ARHGEF10L: variants seen among roughly 807,000 people sequenced by gnomAD.
The protein encoded by ARHGEF10L is rho guanine nucleotide exchange factor 10-like protein.
A neutral mutation model predicts 141.2 loss-of-function variants in ARHGEF10L; 69 were observed. That is an observed-to-expected ratio of 0.49 (90% CI 0.40 to 0.60). The LOEUF is 0.60. ARHGEF10L is among the 20% of genes least tolerant of loss of function. The pLI, the probability that ARHGEF10L is intolerant of heterozygous loss-of-function variation, is 0.00. For synonymous variants in ARHGEF10L, 711 were observed against 718.5 expected, an observed-to-expected ratio of 0.99 and a Z score of 0.17; for missense variants, 1,482 against 1,734.3, an observed-to-expected ratio of 0.85 and a Z score of 2.58.
intron 25 of ARHGEF10L, among the ~76,000 whole-genome samples, chr1:17,658,723 G>A (rs758068645): frequency 3.9e-5 from 6 of 152,030 alleles, no homozygotes; most frequent in Non-Finnish European, 2.9e-5. Flanking sequence ...AGAGGGAATC[G>A]GTTAGTAAAC....
intron 15 of ARHGEF10L, among the ~76,000 whole-genome samples, chr1:17,628,810 G>A (rs888413983): frequency 6.6e-6 from 1 of 152,158 alleles, no homozygotes; most frequent in African/African-American, 2.4e-5. Flanking sequence ...CCCTTTCCAT[G>A]TGTGCTGCAC....
upstream of ARHGEF10L, among the ~76,000 whole-genome samples, chr1:17,539,095 C>T (rs2076626736): frequency 6.6e-6 from 1 of 152,188 alleles, no homozygotes. The surrounding 1 kb of genome is among the most constrained non-coding windows in gnomAD (Gnocchi z 6.0). Context: ...CAGTTTTCTC[C>T]TAGGGAAAAT....
the ARHGEF10L span, among the ~76,000 whole-genome samples, chr1:17,532,038 T>G: frequency 1.3e-5 from 2 of 152,022 alleles, no homozygotes; most frequent in Non-Finnish European, 2.9e-5. Flanking sequence ...CACTGAAGTC[T>G]TTCTCTAGGC....
chr1:17,571,328 G>T (rs976404825), intron 1 of ARHGEF10L, among the ~76,000 whole-genome samples: 1 of 152,114 alleles, frequency 6.6e-6, no homozygotes, highest in African/African-American at 2.4e-5. Context: ...AGTGGAGGCC[G>T]CAGGTGACCT....
chr1:17,629,207 T>G (rs79052975), intron 15 of ARHGEF10L, among the ~76,000 whole-genome samples: 26 of 148,576 alleles, frequency 1.7e-4, no homozygotes, highest in Non-Finnish European at 1.9e-4. Flanking sequence ...TTTTTTTTTT[T>G]GTAGAGATGG....
Position 17,640,186 on chromosome 1 carries a change from AC to A in ARHGEF10L, c.2172-13del. 6.2e-7 allele frequency: 1 copy of A among 1,604,806 alleles called. No individual in the cohort carries two copies. Among genetic ancestry groups the A allele is most frequent in the Non-Finnish European group, 8.5e-7 (1 of 1,174,786 alleles). Reference sequence around the variant, plus strand: ...TGTGGGTACTCACACATCCACTCTAACCCTTCTCACCACAGGTCCGGCCGCC... The same window carrying A: ...TGTGGGTACTCACACATCCACTCTAACCTTCTCACCACAGGTCCGGCCGCC... On this transcript the variant is annotated splice_polypyrimidine_tract_variant and intron_variant, in intron 20 of 28. Transcript: ENST00000361221.
At chr1:17,666,863 C>G (rs1159487574) in intron 26 of ARHGEF10L, among the ~76,000 whole-genome samples, 1 of 150,666 alleles carries the variant, frequency 6.6e-6, no homozygotes, top group Non-Finnish European at 1.5e-5. Context: ...TCACCCCAGC[C>G]CACCCCACCC....
At chr1:17,556,280 G>C (rs1356132082) in intron 1 of ARHGEF10L, among the ~76,000 whole-genome samples, 2 of 83,462 alleles carry the variant, frequency 2.4e-5, no homozygotes, top group Admixed American at 1.3e-4. Flanking sequence ...GGCGGGGGGG[G>C]GGCCTGGGAG....
chr1:17,668,815 C>A (rs1313061826), intron 26 of ARHGEF10L, among the ~76,000 whole-genome samples: 2 of 152,220 alleles, frequency 1.3e-5, no homozygotes, highest in Non-Finnish European at 2.9e-5. Context: ...TTTAATAAGC[C>A]ATGCTCCTGC....
intron 1 of ARHGEF10L, among the ~76,000 whole-genome samples, chr1:17,552,590 T>G (rs1315589653): frequency 8.4e-6 from 1 of 119,294 alleles, no homozygotes; most frequent in Non-Finnish European, 2.0e-5. Flanking sequence ...TTTTTTTTTT[T>G]TTTTTTTTTT....
the ARHGEF10L span, among the ~76,000 whole-genome samples, chr1:17,521,253 A>C: frequency 6.6e-6 from 1 of 152,104 alleles, no homozygotes. Flanking sequence ...CTAGAGTGCA[A>C]TGGCATGATC....
At chr1:17,565,704 G>C (rs2077725082) in intron 1 of ARHGEF10L, among the ~76,000 whole-genome samples, 1 of 152,286 alleles carries the variant, frequency 6.6e-6, no homozygotes, top group East Asian at 1.9e-4. Context: ...CGGGACACAG[G>C]GCAGGAGGGT....
chr1:17,557,357 A>C lies in ARHGEF10L; in HGVS notation c.-44+17407A>C, dbSNP rs553177407. On this transcript the variant is annotated intron_variant, in intron 1 of 28. Coordinates refer to ENST00000361221, the MANE Select transcript of ARHGEF10L (RefSeq NM_018125.4). ...GACTCCATCTCAAAAAAAAAAAAAC[A>C]AAAAAAACCAAAAAAAACAAAAAGA... Among the ~76,000 whole-genome samples, 8 of 135,154 alleles carry C rather than the reference A, an allele frequency of 5.9e-5. No individual in the cohort carries two copies. In the East Asian group the frequency reaches 1.5e-3, roughly 26 times the overall value. 88.7% of individuals were successfully genotyped at this position (135,154 alleles called of 152,430 possible).
chr1:17,588,368 G>A, intron 3 of ARHGEF10L, 78 bp from the exon 4 acceptor site: 1 of 1,549,294 alleles, frequency 6.5e-7, no homozygotes, highest in East Asian at 2.3e-5. Flanking sequence ...GGGGAGGCTG[G>A]GAAAGGGGCG....
intron 1 of ARHGEF10L, among the ~76,000 whole-genome samples, chr1:17,568,390 C>G (rs2077850339): frequency 6.6e-6 from 1 of 152,168 alleles, no homozygotes; most frequent in Non-Finnish European, 1.5e-5. Context: ...TGGATGGCAT[C>G]TGTGTCACAG....
chr1:17,614,257 C>T (rs16829434), intron 8 of ARHGEF10L, among the ~76,000 whole-genome samples: 8 of 152,278 alleles, frequency 5.3e-5, no homozygotes, highest in South Asian at 2.1e-4. Context: ...CACAGATACC[C>T]GCGAGAGGCC....
intron 1 of ARHGEF10L, among the ~76,000 whole-genome samples, chr1:17,545,476 A>T (rs1309879814): frequency 1.3e-5 from 2 of 152,196 alleles, no homozygotes; most frequent in Non-Finnish European, 2.9e-5. Flanking sequence ...GTTACCATGC[A>T]CCAGGAAGAG....
chr1:17,572,731 C>T (rs886939464), intron 1 of ARHGEF10L, among the ~76,000 whole-genome samples: 1 of 152,172 alleles, frequency 6.6e-6, no homozygotes, highest in Non-Finnish European at 1.5e-5. Flanking sequence ...CAGTGCCAAG[C>T]TGGGGCCTGG....
In ARHGEF10L at chr1:17,654,732, C is replaced by A; in HGVS notation, c.2481+10C>A. ...ACAGGGCTACCTCTGGGTGAGTCAC[C>A]CCCCTGCCCAGCTGGGCATTCTGGC... On this transcript the variant is annotated intron_variant, in intron 23 of 28. Coordinates refer to ENST00000361221, the MANE Select transcript of ARHGEF10L (RefSeq NM_018125.4). This position sits in a 1 kb window ranked among gnomAD's most constrained non-coding sequence, Gnocchi z 4.3. The A allele has an allele frequency of 1.9e-6, 3 of 1,612,800 alleles. No individual in the cohort carries two copies. The highest frequency in any genetic ancestry group is 1.3e-5 in the African/African-American group (1 of 75,030).
Sources: allele counts gnomAD v4.1 joint callset (sites outside exome capture counted in the v4.1 genomes callset), GRCh38; gene constraint gnomAD v4.1.1; non-coding constraint Gnocchi (gnomAD v3.1); transcripts MANE v1.5; gene names NCBI Gene and HGNC (gene_info 2026-07-23, HGNC 2026-07-21).